Variants in CNTN5 observed in about 807,000 individuals in gnomAD.
CNTN5 encodes contactin 5.
A neutral mutation model predicts 129.1 loss-of-function variants in CNTN5; 77 were observed. The ratio of observed to expected loss-of-function variants is 0.60; its 90% CI spans 0.50 to 0.72. CNTN5 has a LOEUF of 0.72. Among genes scored for constraint, CNTN5 ranks in the 30% least tolerant of loss-of-function variants. CNTN5 has a pLI of 0.00. For missense variants in CNTN5, 1,478 were observed against 1,328.8 expected (o/e 1.11, Z -1.75); for synonymous variants, 509 against 465.6 (o/e 1.09, Z -1.20).
At chr11:99,246,851 CAT>C (rs1238718107) in intron 1 of CNTN5, among the ~76,000 whole-genome samples, 1 of 152,102 alleles carries the variant, frequency 6.6e-6, no homozygotes, top group African/African-American at 2.4e-5. Context: ...TCTCTTTATG[CAT>C]ATGATACAAA....
intron 2 of CNTN5, among the ~76,000 whole-genome samples, chr11:99,509,755 G>C (rs890149826): frequency 6.6e-6 from 1 of 151,764 alleles, no homozygotes; most frequent in African/African-American, 2.4e-5. Context: ...AGAGATTATT[G>C]ATCATTTAAT....
intron 13 of CNTN5, among the ~76,000 whole-genome samples, chr11:100,115,594 G>A (rs542610161): frequency 6.6e-6 from 1 of 152,086 alleles, no homozygotes; most frequent in Admixed American, 6.6e-5. Flanking sequence ...AGGAGAAATA[G>A]GACACCTCTG....
chr11:99,548,097 T>C (rs760745739), intron 2 of CNTN5, among the ~76,000 whole-genome samples: 5 of 152,204 alleles, frequency 3.3e-5, no homozygotes, highest in Non-Finnish European at 5.9e-5. Flanking sequence ...ATGAATTTTA[T>C]AGCTTACTTC....
intron 10 of CNTN5, among the ~76,000 whole-genome samples, chr11:100,065,030 T>A (rs1591167433): frequency 6.6e-6 from 1 of 152,128 alleles, no homozygotes; most frequent in African/African-American, 2.4e-5. Context: ...ATAAAGACGG[T>A]CACTATGACC....
chr11:100,231,766 G>A (rs2138650553), intron 16 of CNTN5, among the ~76,000 whole-genome samples: 1 of 152,328 alleles, frequency 6.6e-6, no homozygotes, highest in East Asian at 1.9e-4. Context: ...TAAGCAAATA[G>A]TTGTGTAGCT....
intron 2 of CNTN5, among the ~76,000 whole-genome samples, chr11:99,358,152 G>A (rs1189377204): frequency 1.4e-5 from 2 of 139,670 alleles, no homozygotes; most frequent in Non-Finnish European, 3.1e-5. Context: ...GCAGTGGCGC[G>A]ATCTCGGCTC....
intron 1 of CNTN5, among the ~76,000 whole-genome samples, chr11:99,322,043 T>C (rs1473722258): frequency 1.3e-5 from 2 of 152,264 alleles, no homozygotes; most frequent in East Asian, 3.9e-4. Context: ...CTTGTATGTC[T>C]ATTCCCCAGA....
At chr11:99,958,108 A>G (rs1046324922) in intron 8 of CNTN5, among the ~76,000 whole-genome samples, 5 of 152,174 alleles carry the variant, frequency 3.3e-5, no homozygotes, top group Admixed American at 6.5e-5. Flanking sequence ...GAAAATTGCT[A>G]AAGGCCTCAC....
At position 99,566,770 on chromosome 11, in the gene CNTN5, T is replaced by C. The variant is rs576075542; in HGVS notation, c.55+10501T>C. On this transcript the variant is annotated intron_variant, in intron 3 of 24. Transcript: ENST00000524871. ...GAAATAATGCATGGGAGATATGTCA[T>C]ATACAAATATTATTAGTATTTATTC... Among the ~76,000 whole-genome samples the C allele has an allele frequency of 7.2e-5, 11 of 152,340 alleles. No homozygotes were observed. In the South Asian group the frequency reaches 2.3e-3, roughly 32 times the overall value.
intron 2 of CNTN5, among the ~76,000 whole-genome samples, chr11:99,370,309 A>G (rs1939747012): frequency 2.0e-5 from 3 of 152,200 alleles, no homozygotes. Context: ...TTTGAAAATC[A>G]TCTTTTGGAT....
At chr11:99,911,819 T>C (rs938549885) in intron 6 of CNTN5, among the ~76,000 whole-genome samples, 2 of 151,926 alleles carry the variant, frequency 1.3e-5, no homozygotes, top group African/African-American at 4.8e-5. Flanking sequence ...GTTATCTTTA[T>C]GAAGTCTATG....
intron 2 of CNTN5, among the ~76,000 whole-genome samples, chr11:99,503,402 T>A (rs1290216203): frequency 6.6e-6 from 1 of 152,224 alleles, no homozygotes; most frequent in Non-Finnish European, 1.5e-5. Flanking sequence ...GATCATATTC[T>A]CTGTAAAAGA....
chr11:100,282,368 AG>A (rs1157187085), intron 18 of CNTN5, among the ~76,000 whole-genome samples: 2 of 152,210 alleles, frequency 1.3e-5, no homozygotes, highest in Non-Finnish European at 2.9e-5. Flanking sequence ...ATCTTGAAGA[AG>A]GTCTGAAAGA....
intron 2 of CNTN5, among the ~76,000 whole-genome samples, chr11:99,416,748 A>T (rs1401628275): frequency 1.3e-5 from 2 of 152,190 alleles, no homozygotes; most frequent in African/African-American, 2.4e-5. Context: ...GCAAGGAGGC[A>T]GAGGCTGGAG....
chr11:99,623,002 C>T (rs771154621), intron 3 of CNTN5, among the ~76,000 whole-genome samples: 4 of 152,122 alleles, frequency 2.6e-5, no homozygotes, highest in African/African-American at 9.7e-5. Flanking sequence ...TAAAAATCCT[C>T]GGGCTTCTCT....
chr11:99,219,191 G>A (rs767280881), intron 1 of CNTN5, among the ~76,000 whole-genome samples: 1 of 151,918 alleles, frequency 6.6e-6, no homozygotes, highest in Non-Finnish European at 1.5e-5. Flanking sequence ...GAACAGATAA[G>A]TGGGCCCTTC....
intron 1 of CNTN5, among the ~76,000 whole-genome samples, chr11:99,064,186 C>T (rs1160165631): frequency 6.6e-6 from 1 of 152,104 alleles, no homozygotes; most frequent in African/African-American, 2.4e-5. Flanking sequence ...CTTTGCAGCT[C>T]TCCACAACCA....
chr11:100,194,987 TAATATCCAAGTTATATGTAAA>T (rs1198387546), intron 15 of CNTN5, among the ~76,000 whole-genome samples: 1 of 151,988 alleles, frequency 6.6e-6, no homozygotes, highest in Admixed American at 6.6e-5. Flanking sequence ...TTTTAACTGT[TAATATCCAAGTTATATGTAAA>T]GTATTTAGAG....
chr11:99,364,555 T>C (rs1939325917), intron 2 of CNTN5, among the ~76,000 whole-genome samples: 2 of 152,094 alleles, frequency 1.3e-5, no homozygotes. Context: ...CTATCATCCA[T>C]TTAGTTCACA....
Sources: gnomAD v4.1 joint callset for allele counts (sites outside exome capture counted in the v4.1 genomes callset) on GRCh38, gnomAD v4.1.1 for gene constraint, MANE v1.5 for transcripts, NCBI Gene and HGNC (gene_info 2026-07-23, HGNC 2026-07-21) for gene names.